TRDN: variants seen among roughly 807,000 people sequenced by gnomAD.
The protein encoded by TRDN is triadin in skeletal muscle.
In TRDN, 161 loss-of-function variants were observed where a neutral mutation model predicts 149.7. The ratio of observed to expected loss-of-function variants is 1.08; its 90% CI spans 0.95 to 1.23. The LOEUF (loss-of-function observed/expected upper bound fraction) is 1.23, where lower values mean the gene tolerates loss of function less well. TRDN is among the 50% of genes most tolerant of loss of function. The pLI, the probability that TRDN is intolerant of heterozygous loss-of-function variation, is 0.00. For missense variants in TRDN, 896 were observed against 823.5 expected (o/e 1.09, Z -1.08); for synonymous variants, 294 against 250.5 (o/e 1.17, Z -1.64).
intron 10 of TRDN, 115 bp from the exon 11 acceptor site, chr6:123,439,118 G>A (rs949833499): frequency 2.8e-6 from 2 of 713,810 alleles, no homozygotes; most frequent in African/African-American, 3.6e-5. Context: ...CTTTGTGACT[G>A]AGCAAGTAAT....
intron 18 of TRDN, among the ~76,000 whole-genome samples, chr6:123,377,419 C>G (rs1781550053): frequency 6.6e-6 from 1 of 152,148 alleles, no homozygotes; most frequent in Non-Finnish European, 1.5e-5. Context: ...AAGTTGCAGA[C>G]TCTGATTCAG....
intron 21 of TRDN, chr6:123,350,116 A>G (rs1386430701): frequency 1.0e-6 from 1 of 973,518 alleles, no homozygotes. Context: ...TAAAATGTTT[A>G]CTAACTGTGT....
chr6:123,490,469 G>T (rs574941430), intron 9 of TRDN, among the ~76,000 whole-genome samples: 2 of 152,202 alleles, frequency 1.3e-5, no homozygotes, highest in South Asian at 4.2e-4. Context: ...TTTATTTCAG[G>T]AATTTTCCAT....
intron 15 of TRDN, 69 bp from the exon 16 acceptor site, chr6:123,381,459 G>T: frequency 1.4e-6 from 2 of 1,416,588 alleles, no homozygotes; most frequent in South Asian, 1.3e-5. Flanking sequence ...CCTACATATT[G>T]ATTAGACTGT....
At chr6:123,521,092 A>G (rs1267930877) in intron 5 of TRDN, among the ~76,000 whole-genome samples, 1 of 152,150 alleles carries the variant, frequency 6.6e-6, no homozygotes, top group African/African-American at 2.4e-5. Context: ...TATGACTCCA[A>G]TCCTGCAATT....
rs1258606501 is a variant in TRDN, at chr6:123,359,796, C to T, written c.1321+6339G>A. 4.0e-5 allele frequency among the ~76,000 whole-genome samples: 6 copies of T among 151,890 alleles called. No homozygotes were observed. The East Asian group carries it at 5.9e-4, about 15-fold the overall frequency. On this transcript the variant is annotated intron_variant, in intron 20 of 40. Coordinates refer to ENST00000334268, the MANE Select transcript of TRDN (RefSeq NM_006073.4). ...CCGCAAGCTCCGCCTCCTGGGTTCA[C>T]GCCATTCTCCTGCCTCAGCCTCCCG...
At chr6:123,312,757 C>T (rs1778873418) in intron 24 of TRDN, among the ~76,000 whole-genome samples, 1 of 151,992 alleles carries the variant, frequency 6.6e-6, no homozygotes, top group African/African-American at 2.4e-5. Flanking sequence ...AATGGCTCCT[C>T]TCTCTAACTT....
At chr6:123,380,437 C>G (rs1781671305) in intron 16 of TRDN, among the ~76,000 whole-genome samples, 1 of 152,180 alleles carries the variant, frequency 6.6e-6, no homozygotes, top group Non-Finnish European at 1.5e-5. Flanking sequence ...ATCAGTAGCT[C>G]TGCACACACG....
chr6:123,427,471 T>C (rs1753498478), intron 12 of TRDN, among the ~76,000 whole-genome samples: 1 of 152,074 alleles, frequency 6.6e-6, no homozygotes, highest in African/African-American at 2.4e-5. Context: ...TAATCCTTCT[T>C]CTTACAGGAT....
chr6:123,621,708 A>C (rs184181892), intron 1 of TRDN, among the ~76,000 whole-genome samples: 1 of 152,270 alleles, frequency 6.6e-6, no homozygotes. Flanking sequence ...TAAAGAACAA[A>C]CTTAGCATAA....
At chr6:123,369,985 C>A (rs956575963) in intron 19 of TRDN, among the ~76,000 whole-genome samples, 1 of 152,162 alleles carries the variant, frequency 6.6e-6, no homozygotes, top group Non-Finnish European at 1.5e-5. Context: ...CTGCATAGAG[C>A]TGCTACACTC....
Position 123,275,383 on chromosome 6 carries a change from C to T in TRDN, c.1568-713G>A, listed in dbSNP as rs1002983639. Reference sequence around the variant, plus strand: ...CAGAGATTGAAGTCATATATCTTCACACCAAGAAACACCGAAGATTGCCAG... The same window carrying T: ...CAGAGATTGAAGTCATATATCTTCATACCAAGAAACACCGAAGATTGCCAG... On this transcript the variant is annotated intron_variant, in intron 26 of 40. Coordinates refer to ENST00000334268, the MANE Select transcript of TRDN (RefSeq NM_006073.4). 4.6e-5 allele frequency among the ~76,000 whole-genome samples: 7 copies of T among 152,206 alleles called. No homozygotes were observed. In the South Asian group the frequency reaches 1.5e-3, roughly 32 times the overall value.
chr6:123,260,998 G>T (rs997151667), intron 33 of TRDN, among the ~76,000 whole-genome samples: 3 of 151,448 alleles, frequency 2.0e-5, no homozygotes, highest in African/African-American at 7.3e-5. Flanking sequence ...TAAAATATTA[G>T]AATTTTTATA....
In TRDN at chr6:123,607,851, C is replaced by CTT. The variant is rs558952808; in HGVS notation, c.22+28901_22+28902dup. Among the ~76,000 whole-genome samples, 540 of 130,488 alleles carry CTT rather than the reference C, an allele frequency of 4.1e-3. 3 individuals carry two copies. The highest frequency in any genetic ancestry group is 0.014 in the African/African-American group (512 of 36,450). The allele number at this position is 130,488 out of a possible 152,430, so 85.6% of individuals were successfully genotyped here. On this transcript the variant is annotated intron_variant, in intron 1 of 40. Coordinates refer to ENST00000334268, the MANE Select transcript of TRDN (RefSeq NM_006073.4). ...TCAGATTTATGCTTTCTCTTTTAGT[C>CTT]TTTTTTTTTTTTTTTTTAATTAGAG...
intron 38 of TRDN, among the ~76,000 whole-genome samples, chr6:123,248,181 G>C (rs900456009): frequency 5.3e-5 from 8 of 152,118 alleles, no homozygotes; most frequent in African/African-American, 1.9e-4. Flanking sequence ...AAAACAGCCA[G>C]CTAGCCTAAG....
chr6:123,543,329 A>G (rs2114409805), intron 4 of TRDN, among the ~76,000 whole-genome samples: 1 of 152,312 alleles, frequency 6.6e-6, no homozygotes, highest in Admixed American at 6.5e-5. Flanking sequence ...GTAAGCAAAT[A>G]GTACATGTTC....
At chr6:123,627,314 C>T (rs553428442) in intron 1 of TRDN, among the ~76,000 whole-genome samples, 3 of 152,194 alleles carry the variant, frequency 2.0e-5, no homozygotes, top group South Asian at 2.1e-4. Context: ...CTGTTAGGCA[C>T]GAAAACAACA....
chr6:123,352,289 CT>C, intron 21 of TRDN: 2 of 984,912 alleles, frequency 2.0e-6, no homozygotes, highest in Non-Finnish European at 2.4e-6. Flanking sequence ...AGCATGTCCC[CT>C]GATGTAATTA....
Position 123,571,122 on chromosome 6 carries a change from A to G in TRDN, c.33T>C (p.Ser11=). The G allele has an allele frequency of 1.2e-6, 2 of 1,613,838 alleles. No individual in the cohort carries two copies. Among genetic ancestry groups the G allele is most frequent in the Non-Finnish European group, 1.7e-6 (2 of 1,179,818 alleles). The change falls in exon 2 of 41, where the codon TCT becomes TCC. Residue 11 remains serine, a synonymous_variant. Coordinates refer to ENST00000334268, the MANE Select transcript of TRDN (RefSeq NM_006073.4). The part of the protein sequence containing the change: MTEITAEGNA[S]TTTTVIDSKN... Reference sequence around the variant, plus strand: ...TGCTGTCTATCACAGTTGTGGTTGTAGATGCATTTCCTAATCAAACATTCA... The same window carrying G: ...TGCTGTCTATCACAGTTGTGGTTGTGGATGCATTTCCTAATCAAACATTCA...
Sources: allele counts gnomAD v4.1 joint callset (sites outside exome capture counted in the v4.1 genomes callset), GRCh38; gene constraint gnomAD v4.1.1; transcripts MANE v1.5; gene names NCBI Gene and HGNC (gene_info 2026-07-23, HGNC 2026-07-21).